MAST4: variants seen among roughly 807,000 people sequenced by gnomAD.
MAST4 encodes microtubule-associated serine/threonine-protein kinase 4.
MAST4 carries 89 observed loss-of-function variants against 162.7 expected under a neutral mutation model. The observed-to-expected ratio is 0.55, with a 90% confidence interval of 0.46 to 0.65. The LOEUF (loss-of-function observed/expected upper bound fraction) is 0.65. Among genes scored for constraint, MAST4 ranks in the 30% least tolerant of loss-of-function variants. The pLI is 0.00. For missense variants in MAST4, 3,153 were observed against 3,374.0 expected (o/e 0.93, Z 1.62); for synonymous variants, 1,479 against 1,361.1 (o/e 1.09, Z -1.91).
intron 3 of MAST4, among the ~76,000 whole-genome samples, chr5:66,878,310 A>G (rs1761442762): frequency 6.6e-6 from 1 of 152,248 alleles, no homozygotes; most frequent in South Asian, 2.1e-4. Flanking sequence ...CGTGTATCAC[A>G]CTAAAAGGAT....
chr5:67,069,006 TC>T (rs1760577188), intron 5 of MAST4, among the ~76,000 whole-genome samples: 1 of 151,684 alleles, frequency 6.6e-6, no homozygotes, highest in Non-Finnish European at 1.5e-5. Context: ...CTGACACCCT[TC>T]TCGTTGGTGG....
At chr5:67,089,306 G>T (rs1763581525) in intron 5 of MAST4, among the ~76,000 whole-genome samples, 1 of 152,328 alleles carries the variant, frequency 6.6e-6, no homozygotes, top group South Asian at 2.1e-4. Context: ...CTCGCCAGCT[G>T]CTGGCCAAGC....
At chr5:66,774,995 CTGTGTGTGTGTGTG>C (rs33936607) in intron 2 of MAST4, among the ~76,000 whole-genome samples, 195 of 142,154 alleles carry the variant, frequency 1.4e-3, no homozygotes, top group Middle Eastern at 3.6e-3. Flanking sequence ...TATCCTTTTC[CTGTGTGTGTGTGTG>C]TGTGTGTGTG....
intron 19 of MAST4, 147 bp from the exon 20 acceptor site, chr5:67,141,968 T>G: frequency 9.9e-6 from 8 of 811,210 alleles, no homozygotes; most frequent in Non-Finnish European, 1.3e-5. Flanking sequence ...TTGTGGGGCT[T>G]TGGTTGTAGA....
At chr5:67,011,577 C>T (rs1752678035) in intron 4 of MAST4, among the ~76,000 whole-genome samples, 1 of 152,190 alleles carries the variant, frequency 6.6e-6, no homozygotes, top group Admixed American at 6.5e-5. Context: ...TCTCCCCCAG[C>T]CTGGTCAGGG....
At chr5:66,656,602 A>G (rs1248170652) in intron 1 of MAST4, among the ~76,000 whole-genome samples, 1 of 152,082 alleles carries the variant, frequency 6.6e-6, no homozygotes, top group Admixed American at 6.5e-5. Flanking sequence ...GATTCGATTA[A>G]AAAAACTCTG....
intron 4 of MAST4, among the ~76,000 whole-genome samples, chr5:66,908,533 G>T (rs146515949): frequency 8.5e-5 from 13 of 152,218 alleles, no homozygotes; most frequent in African/African-American, 1.9e-4. Flanking sequence ...AGTTTCGGGG[G>T]GTGTGTGTAG....
chr5:66,809,707 G>GA (rs1432102434), intron 3 of MAST4, among the ~76,000 whole-genome samples: 1 of 151,948 alleles, frequency 6.6e-6, no homozygotes. Context: ...TCTTGTTCCA[G>GA]AAAAAAACTA....
intron 1 of MAST4, among the ~76,000 whole-genome samples, chr5:66,691,828 C>CG (rs1749060081): frequency 6.6e-6 from 1 of 152,076 alleles, no homozygotes; most frequent in South Asian, 2.1e-4. Context: ...TGAATTTTGG[C>CG]GGAACACAGA....
intron 4 of MAST4, among the ~76,000 whole-genome samples, chr5:67,011,990 C>T (rs1177794619): frequency 6.6e-6 from 1 of 151,600 alleles, no homozygotes. Flanking sequence ...ATGGTCTATT[C>T]ACTGCTATTG....
rs750043112 is a variant in MAST4 at position 67,166,526 on chromosome 5, C to G, written c.7347C>G (p.Phe2449Leu). 3.7e-6 allele frequency: 6 copies of G among 1,607,432 alleles called. No individual in the cohort carries two copies. In the African/African-American group the frequency reaches 4.0e-5, roughly 11 times the overall value. Residue 2449 changes from phenylalanine to leucine, a missense_variant, in exon 29 of 29, where the codon TTC becomes TTG. Transcript: ENST00000403625. ...RSPSATGQSSFRSTALPEKSL... is the reference protein window; with the variant it reads ...RSPSATGQSSLRSTALPEKSL... ...CCTCAGCCACTGGGCAGAGTTCTTTCCGATCCACGGCCCTCCCGGAAAAGT... is the reference window on the plus strand; with the variant it reads ...CCTCAGCCACTGGGCAGAGTTCTTTGCGATCCACGGCCCTCCCGGAAAAGT...
At position 66,672,154 on chromosome 5, in the gene MAST4, A is replaced by G. The variant is rs191640954; in HGVS notation, c.363+75136A>G. ...AAATTTTGGATACAAATAATGAAATATAATGGATTTAAACACAGACATATG... is the reference window on the plus strand; with the variant it reads ...AAATTTTGGATACAAATAATGAAATGTAATGGATTTAAACACAGACATATG... On this transcript the variant is annotated intron_variant, in intron 1 of 28. Transcript: ENST00000403625. Among the ~76,000 whole-genome samples the G allele has an allele frequency of 1.2e-4, 18 of 152,368 alleles. No homozygotes were observed. In the East Asian group the frequency reaches 3.5e-3, roughly 29 times the overall value.
At chr5:66,881,174 G>C (rs903869672) in intron 3 of MAST4, among the ~76,000 whole-genome samples, 5 of 152,040 alleles carry the variant, frequency 3.3e-5, no homozygotes, top group Admixed American at 3.3e-4. Context: ...TTGAAGTTTT[G>C]TTTTTGTTTT....
At chr5:67,106,728 C>T (rs1350586761) in intron 10 of MAST4, among the ~76,000 whole-genome samples, 2 of 152,138 alleles carry the variant, frequency 1.3e-5, no homozygotes, top group African/African-American at 2.4e-5. Context: ...GTTGCTGTGC[C>T]CTTCCTCTCA....
chr5:66,885,043 G>A (rs1761948941), intron 3 of MAST4, among the ~76,000 whole-genome samples: 1 of 152,156 alleles, frequency 6.6e-6, no homozygotes, highest in African/African-American at 2.4e-5. Context: ...TATTTACTGT[G>A]GGAATTTCTC....
chr5:66,620,413 T>C (rs1408760930), intron 1 of MAST4, among the ~76,000 whole-genome samples: 1 of 152,314 alleles, frequency 6.6e-6, no homozygotes, highest in East Asian at 1.9e-4. Context: ...TCTTTATTTG[T>C]AATAATAAAA....
intron 3 of MAST4, among the ~76,000 whole-genome samples, chr5:66,832,356 CTG>C (rs1757665036): frequency 6.6e-6 from 1 of 152,150 alleles, no homozygotes. Flanking sequence ...ACTTCTAGAT[CTG>C]TGAGTGTGTT....
At chr5:66,988,110 G>A (rs1377782519) in intron 4 of MAST4, among the ~76,000 whole-genome samples, 2 of 152,150 alleles carry the variant, frequency 1.3e-5, no homozygotes, top group Non-Finnish European at 2.9e-5. Flanking sequence ...CAGATTTTAA[G>A]AATGACAGTT....
At chr5:66,726,061 A>G (rs375130364) in intron 1 of MAST4, among the ~76,000 whole-genome samples, 4 of 152,002 alleles carry the variant, frequency 2.6e-5, no homozygotes, top group African/African-American at 7.2e-5. Context: ...AGATGTACAC[A>G]TAAGTTAGAT....
Sources: allele counts gnomAD v4.1 joint callset (sites outside exome capture counted in the v4.1 genomes callset), GRCh38; gene constraint gnomAD v4.1.1; transcripts MANE v1.5; gene names NCBI Gene and HGNC (gene_info 2026-07-23, HGNC 2026-07-21).